AMZ2: variants seen among roughly 807,000 people sequenced by gnomAD.
The protein encoded by AMZ2 is archaemetzincin-2.
A neutral mutation model predicts 36.7 loss-of-function variants in AMZ2; 26 were observed. That is an observed-to-expected ratio of 0.71 (90% CI 0.52 to 0.98). The LOEUF (loss-of-function observed/expected upper bound fraction) is 0.98, where lower values mean the gene tolerates loss of function less well. Among genes scored for constraint, AMZ2 ranks in the 50% least tolerant of loss-of-function variants. The probability of loss-of-function intolerance (pLI) is 0.00; values close to 1 mark genes in which losing one functional copy is unlikely to be tolerated. For missense variants in AMZ2, 394 were observed against 430.5 expected (o/e 0.92, Z 0.75); for synonymous variants, 144 against 149.1 (o/e 0.97, Z 0.25).
In AMZ2 at chr17:68,254,560, C is replaced by T. The variant is rs1555741772; in HGVS notation, c.743C>T (p.Ser248Phe). 3.1e-6 allele frequency: 5 copies of T among 1,609,456 alleles called. No individual in the cohort carries two copies. The highest frequency in any genetic ancestry group is 1.3e-5 in the African/African-American group (1 of 74,790). The stretch of plus-strand genomic sequence containing the variant: ...ATAACTAGTGTTTTACTACTTCGAT[C>T]CTGTAAGGTAAGTTATTACAAAAAT... ...PEITSVLLLRSCKTLTHEIGH... is the reference protein window; with the variant it reads ...PEITSVLLLRFCKTLTHEIGH... The change falls in exon 5 of 7, where the codon TCC becomes TTC. Residue 248 changes from serine (S) to phenylalanine (F), a missense_variant. Physicochemically the swap from Ser to Phe is radical, Grantham distance 155. Coordinates refer to ENST00000359904, the MANE Select transcript of AMZ2 (RefSeq NM_016627.5).
At position 68,248,271 on chromosome 17, in the gene AMZ2, A is replaced by C; in HGVS notation, c.-435A>C. 1 of 985,734 alleles carries C rather than the reference A, an allele frequency of 1.0e-6. No homozygotes were observed. Among genetic ancestry groups the C allele is most frequent in the Non-Finnish European group, 1.2e-6 (1 of 830,036 alleles). 61.1% of individuals were successfully genotyped at this position (985,734 alleles called of 1,614,324 possible). ...CGGGGTCCGCGGGGTCGGTGCCTCT[A>C]GGGAGCCAGGGAGGCCTTTCCCGAG... On this transcript the variant is annotated 5_prime_UTR_variant, in exon 1 of 7. Transcript: ENST00000359904.
exon 1 of AMZ2, chr17:68,206,233 C>T (rs1250117032): frequency 3.8e-6 from 5 of 1,301,496 alleles, no homozygotes; most frequent in Non-Finnish European, 4.9e-6. Context: ...TACAGCAGCA[C>T]TCCAGGTACC....
chr17:68,219,321 TAG>T (rs2073285865), intron 1 of AMZ2, among the ~76,000 whole-genome samples: 1 of 152,152 alleles, frequency 6.6e-6, no homozygotes, highest in South Asian at 2.1e-4. Context: ...CTAGCTAAAC[TAG>T]ATGGCTTCTT....
chr17:68,211,905 T>A (rs1316667517), intron 1 of AMZ2, among the ~76,000 whole-genome samples: 1 of 150,790 alleles, frequency 6.6e-6, no homozygotes, highest in East Asian at 1.9e-4. Context: ...GAGTCTTTTT[T>A]AATCAGTTCC....
chr17:68,255,611 C>T, intron 5 of AMZ2, 89 bp from the exon 6 acceptor site: 1 of 1,383,630 alleles, frequency 7.2e-7, no homozygotes, highest in Non-Finnish European at 1.0e-6. Context: ...GAGTTGATTC[C>T]TATGTTTCTT....
At chr17:68,208,475 C>G (rs1193337941) in intron 1 of AMZ2, among the ~76,000 whole-genome samples, 3 of 152,138 alleles carry the variant, frequency 2.0e-5, no homozygotes, top group African/African-American at 7.2e-5. Context: ...TTGTGTTTAG[C>G]TCAGGGATTG....
chr17:68,247,970 C>T (rs1185361828), upstream of AMZ2: 5 of 984,736 alleles, frequency 5.1e-6, no homozygotes, highest in African/African-American at 3.5e-5. Flanking sequence ...GGGCGGGGCC[C>T]ACAGGGCGTG....
chr17:68,227,794 G>A (rs1382609036), intron 1 of AMZ2, among the ~76,000 whole-genome samples: 2 of 152,088 alleles, frequency 1.3e-5, no homozygotes, highest in African/African-American at 2.4e-5. Context: ...TTGGGGCCAG[G>A]AATTGAAGAT....
At chr17:68,228,950 C>T (rs1425834058) in intron 1 of AMZ2, among the ~76,000 whole-genome samples, 1 of 152,238 alleles carries the variant, frequency 6.6e-6, no homozygotes, top group Non-Finnish European at 1.5e-5. Context: ...GTGCTGTCTT[C>T]AGTGCCCTGA....
intron 1 of AMZ2, among the ~76,000 whole-genome samples, chr17:68,210,085 A>G (rs1486724253): frequency 6.6e-6 from 1 of 152,212 alleles, no homozygotes; most frequent in African/African-American, 2.4e-5. Context: ...ATGTATTGTT[A>G]GAGAGAATGT....
chr17:68,233,738 T>G (rs1356558899), intron 1 of AMZ2, among the ~76,000 whole-genome samples: 28 of 152,128 alleles, frequency 1.8e-4, no homozygotes, highest in Admixed American at 4.6e-4. Flanking sequence ...TTATTTTTTT[T>G]TGGGACAGGG....
intron 1 of AMZ2, among the ~76,000 whole-genome samples, chr17:68,242,556 C>T (rs561044614): frequency 3.8e-4 from 58 of 152,124 alleles, no homozygotes; most frequent in African/African-American, 1.3e-3. Flanking sequence ...GGATTACAGG[C>T]GTGTGCTACC....
chr17:68,209,391 A>G (rs1171657478), intron 1 of AMZ2, among the ~76,000 whole-genome samples: 15 of 151,428 alleles, frequency 9.9e-5, no homozygotes, highest in African/African-American at 3.4e-4. Flanking sequence ...ATGGGGTTTC[A>G]CTATGTTGGC....
chr17:68,221,492 G>T (rs1238183910), intron 1 of AMZ2, among the ~76,000 whole-genome samples: 2 of 152,122 alleles, frequency 1.3e-5, no homozygotes, highest in African/African-American at 4.8e-5. Flanking sequence ...CACTTTGGGA[G>T]GCCGAGGCAG....
chr17:68,251,246 G>C (rs1162650110), intron 4 of AMZ2, 68 bp downstream of exon 4: 3 of 1,541,166 alleles, frequency 1.9e-6, no homozygotes, highest in African/African-American at 2.8e-5. Flanking sequence ...TGTTAGAAGA[G>C]GGAAAAAATT....
chr17:68,238,131 C>T (rs1466779103), intron 1 of AMZ2, among the ~76,000 whole-genome samples: 3 of 152,176 alleles, frequency 2.0e-5, no homozygotes, highest in Admixed American at 2.0e-4. Context: ...AGGCTGGGGA[C>T]ATCACCAAGA....
At chr17:68,215,075 C>T (rs1384691652) in intron 1 of AMZ2, among the ~76,000 whole-genome samples, 2 of 152,174 alleles carry the variant, frequency 1.3e-5, no homozygotes, top group Non-Finnish European at 2.9e-5. Flanking sequence ...TGAGCCACTG[C>T]GTCCAGACTA....
upstream of AMZ2, among the ~76,000 whole-genome samples, chr17:68,244,881 G>A (rs186107766): frequency 1.9e-3 from 285 of 152,194 alleles, 1 homozygote; most frequent in African/African-American, 6.5e-3. Flanking sequence ...GATGTTAATG[G>A]ACCATTCGGG....
At chr17:68,230,480 C>T (rs1286586581) in intron 1 of AMZ2, among the ~76,000 whole-genome samples, 1 of 152,186 alleles carries the variant, frequency 6.6e-6, no homozygotes, top group African/African-American at 2.4e-5. Flanking sequence ...TTTCAGGCAG[C>T]CCAGATTCAG....
Sources: gnomAD v4.1 joint callset for allele counts (sites outside exome capture counted in the v4.1 genomes callset) on GRCh38, gnomAD v4.1.1 for gene constraint, MANE v1.5 for transcripts, NCBI Gene and HGNC (gene_info 2026-07-23, HGNC 2026-07-21) for gene names.